Variants in HMGN3 observed in about 807,000 individuals in gnomAD.
The protein encoded by HMGN3 is high mobility group nucleosomal binding domain 3, also known as high mobility group nucleosome-binding domain-containing protein 3.
A neutral mutation model predicts 18.8 loss-of-function variants in HMGN3; 6 were observed. That is an observed-to-expected ratio of 0.32 (90% CI 0.18 to 0.63). HMGN3 has a LOEUF of 0.63. Among genes scored for constraint, HMGN3 ranks in the 30% least tolerant of loss-of-function variants. HMGN3 has a pLI of 0.79. For missense variants in HMGN3, 107 were observed against 114.2 expected, an observed-to-expected ratio of 0.94 and a Z score of 0.29; for synonymous variants, 40 against 36.5, an observed-to-expected ratio of 1.10 and a Z score of -0.35.
chr6:79,225,269 C>T lies in HMGN3; in HGVS notation c.15+9277G>A, dbSNP rs117288448. ...AGTAAAAGAAATAAGAAAACCAATA[C>T]CTCTCAGGGTAGATTTTGTATTTCA... On this transcript the variant is annotated intron_variant, in intron 1 of 5. Coordinates refer to ENST00000344726, the Ensembl canonical transcript of HMGN3. Among the ~76,000 whole-genome samples the T allele has an allele frequency of 3.3e-5, 5 of 152,216 alleles. No homozygotes were observed. In the East Asian group the frequency reaches 9.7e-4, roughly 29 times the overall value.
chr6:79,233,261 G>C (rs1293359242), intron 1 of HMGN3, among the ~76,000 whole-genome samples: 1 of 152,188 alleles, frequency 6.6e-6, no homozygotes, highest in East Asian at 1.9e-4. Context: ...CAGCGTGAGG[G>C]ACACAGTATG....
intron 1 of HMGN3, among the ~76,000 whole-genome samples, chr6:79,222,033 G>C (rs768436619): frequency 1.3e-5 from 2 of 151,776 alleles, no homozygotes; most frequent in Admixed American, 1.3e-4. Flanking sequence ...CGACTTCAGC[G>C]AATTAGCTGA....
chr6:79,217,297 G>A (rs1006758234), intron 1 of HMGN3, among the ~76,000 whole-genome samples: 1 of 152,164 alleles, frequency 6.6e-6, no homozygotes, highest in Non-Finnish European at 1.5e-5. Flanking sequence ...GTGATACAAT[G>A]GTATGAATGC....
At chr6:79,223,143 C>G (rs1486078423) in intron 1 of HMGN3, among the ~76,000 whole-genome samples, 3 of 152,082 alleles carry the variant, frequency 2.0e-5, no homozygotes, top group Non-Finnish European at 4.4e-5. Context: ...CTTTGGGAGG[C>G]TGAGGAGGGC....
chr6:79,203,080 A>G (rs749929791), intron 4 of HMGN3, among the ~76,000 whole-genome samples: 2 of 152,306 alleles, frequency 1.3e-5, no homozygotes, highest in East Asian at 3.9e-4. Context: ...CTACTTCAAC[A>G]GAGTTGATGT....
chr6:79,207,274 T>C (rs1053719376), intron 3 of HMGN3, among the ~76,000 whole-genome samples: 1 of 152,122 alleles, frequency 6.6e-6, no homozygotes, highest in African/African-American at 2.4e-5. Context: ...CCAAATGTCA[T>C]CTTGAATTAT....
intron 1 of HMGN3, among the ~76,000 whole-genome samples, chr6:79,228,252 T>C (rs1777657414): frequency 6.6e-6 from 1 of 152,194 alleles, no homozygotes; most frequent in Admixed American, 6.5e-5. Flanking sequence ...CAAGGGTATT[T>C]ACTCATTCAG....
intron 1 of HMGN3, among the ~76,000 whole-genome samples, chr6:79,220,808 T>C (rs890262566): frequency 3.7e-4 from 56 of 152,192 alleles, no homozygotes; most frequent in African/African-American, 1.3e-3. Context: ...GGATGTGTCA[T>C]AAAGGTATAA....
At chr6:79,210,407 G>A (rs932165224) in intron 2 of HMGN3, among the ~76,000 whole-genome samples, 4 of 152,116 alleles carry the variant, frequency 2.6e-5, no homozygotes, top group African/African-American at 9.7e-5. Flanking sequence ...GCTAAAGAGA[G>A]GTGAAAGAGC....
intron 2 of HMGN3, among the ~76,000 whole-genome samples, chr6:79,213,588 G>C (rs1314325362): frequency 6.6e-6 from 1 of 152,190 alleles, no homozygotes; most frequent in Non-Finnish European, 1.5e-5. Context: ...GTTGGTTCTT[G>C]CATGTGTGTG....
intron 3 of HMGN3, among the ~76,000 whole-genome samples, chr6:79,204,356 A>C (rs983875214): frequency 1.3e-5 from 2 of 152,164 alleles, no homozygotes; most frequent in Non-Finnish European, 2.9e-5. Flanking sequence ...CTCTTGCCTC[A>C]TGTGGTCCTC....
At position 79,201,601 on chromosome 6, in the gene HMGN3, T is replaced by A; in HGVS notation, c.*87A>T. The A allele has an allele frequency of 5.4e-6, 5 of 927,292 alleles. No individual in the cohort carries two copies. In the Middle Eastern group the frequency reaches 9.0e-4, roughly 166 times the overall value. The allele number at this position is 927,292 out of a possible 1,614,324, so 57.4% of individuals were successfully genotyped here. A position where few individuals can be genotyped will look rare whatever the true frequency, so the allele number is the denominator to read the frequency against. Reference sequence around the variant, plus strand: ...TGCCAACTAGTAGAGTCCTAAAAAATTAGCATTTACAAAATACTTGGTAAA... The same window carrying A: ...TGCCAACTAGTAGAGTCCTAAAAAAATAGCATTTACAAAATACTTGGTAAA... On this transcript the variant is annotated 3_prime_UTR_variant, in exon 6 of 6. Transcript: ENST00000344726.
intron 1 of HMGN3, among the ~76,000 whole-genome samples, chr6:79,233,161 A>G (rs1415913567): frequency 6.6e-6 from 1 of 152,186 alleles, no homozygotes; most frequent in Non-Finnish European, 1.5e-5. Context: ...GATGCAGGAC[A>G]ATTTATGTCT....
intron 1 of HMGN3, among the ~76,000 whole-genome samples, chr6:79,229,135 C>T (rs192662598): frequency 6.6e-6 from 1 of 152,188 alleles, no homozygotes; most frequent in East Asian, 1.9e-4. Flanking sequence ...AAGTATAAAA[C>T]CTCTATGAGA....
At chr6:79,205,622 C>T (rs1012340605) in intron 3 of HMGN3, among the ~76,000 whole-genome samples, 4 of 152,114 alleles carry the variant, frequency 2.6e-5, no homozygotes, top group Non-Finnish European at 5.9e-5. Flanking sequence ...TTATCAGCAG[C>T]GTGAAAATGG....
At chr6:79,204,611 C>T (rs1402142745) in intron 3 of HMGN3, among the ~76,000 whole-genome samples, 1 of 152,170 alleles carries the variant, frequency 6.6e-6, no homozygotes, top group Non-Finnish European at 1.5e-5. Context: ...AAATAGAAAA[C>T]ACTGGCCAGG....
intron 1 of HMGN3, among the ~76,000 whole-genome samples, chr6:79,217,517 T>C (rs925797626): frequency 1.3e-5 from 2 of 152,216 alleles, no homozygotes; most frequent in African/African-American, 4.8e-5. Context: ...ACAGAGGTTA[T>C]GCAATAAAAA....
At chr6:79,229,065 A>T (rs1439447107) in intron 1 of HMGN3, among the ~76,000 whole-genome samples, 1 of 152,248 alleles carries the variant, frequency 6.6e-6, no homozygotes, top group Non-Finnish European at 1.5e-5. Flanking sequence ...TTAAACCCTT[A>T]CCTCATACCA....
In HMGN3 at chr6:79,214,387, G is replaced by T. The variant is rs575667263; in HGVS notation, c.66+585C>A. On this transcript the variant is annotated intron_variant, in intron 2 of 5. Transcript: ENST00000344726. ...TGGCTAACTTTTTATATTTTTAGTAGAGATGGGGTTTCACCGTGTTAGCCA... is the reference window on the plus strand; with the variant it reads ...TGGCTAACTTTTTATATTTTTAGTATAGATGGGGTTTCACCGTGTTAGCCA... Among the ~76,000 whole-genome samples, 62 of 152,038 alleles carry T rather than the reference G, an allele frequency of 4.1e-4. 1 individual carries two copies. Among genetic ancestry groups the T allele is most frequent in the Admixed American group, 2.2e-3 (34 of 15,270 alleles).
Sources: gnomAD v4.1 joint callset for allele counts (sites outside exome capture counted in the v4.1 genomes callset) on GRCh38, gnomAD v4.1.1 for gene constraint, MANE v1.5 for transcripts, NCBI Gene and HGNC (gene_info 2026-07-23, HGNC 2026-07-21) for gene names.